DNER: variants seen among roughly 807,000 people sequenced by gnomAD.
DNER encodes delta/notch like EGF repeat containing.
In DNER, 33 loss-of-function variants were observed where a neutral mutation model predicts 78.2. The observed-to-expected ratio is 0.42, with a 90% CI of 0.32 to 0.56. The LOEUF (loss-of-function observed/expected upper bound fraction) is 0.56, where lower values mean the gene tolerates loss of function less well. Among genes scored for constraint, DNER ranks in the 20% least tolerant of loss-of-function variants. The pLI, the probability that DNER is intolerant of heterozygous loss-of-function variation, is 0.11. For missense variants in DNER, 918 were observed against 975.3 expected (o/e 0.94, Z 0.78); for synonymous variants, 417 against 384.8 (o/e 1.08, Z -0.98).
intron 1 of DNER, among the ~76,000 whole-genome samples, chr2:229,596,875 A>T (rs10193150): frequency 1.3e-5 from 2 of 152,048 alleles, no homozygotes; most frequent in Non-Finnish European, 2.9e-5. Context: ...TAAATTTCTA[A>T]GGGGATTCAA....
chr2:229,629,658 G>A (rs1231476963), intron 1 of DNER, among the ~76,000 whole-genome samples: 3 of 152,128 alleles, frequency 2.0e-5, no homozygotes, highest in Non-Finnish European at 4.4e-5. Flanking sequence ...TTGGAAAATG[G>A]CAAACAAAAG....
intron 4 of DNER, among the ~76,000 whole-genome samples, chr2:229,554,066 A>T (rs34462481): frequency 1.9e-3 from 296 of 152,316 alleles, no homozygotes; most frequent in Non-Finnish European, 1.9e-3. Context: ...TTCAAAACTA[A>T]GATGCCTTTC....
chr2:229,607,795 G>A (rs1697967025), intron 1 of DNER, among the ~76,000 whole-genome samples: 1 of 152,008 alleles, frequency 6.6e-6, no homozygotes, highest in African/African-American at 2.4e-5. Flanking sequence ...GGCCGAGGTG[G>A]TCGAATCACT....
At chr2:229,691,513 G>A (rs1247603924) in intron 1 of DNER, among the ~76,000 whole-genome samples, 2 of 151,550 alleles carry the variant, frequency 1.3e-5, no homozygotes, top group East Asian at 2.0e-4. Context: ...CATATTTAGG[G>A]TTGGAAACTC....
At chr2:229,407,013 C>T (rs536999373) in intron 10 of DNER, among the ~76,000 whole-genome samples, 26 of 152,242 alleles carry the variant, frequency 1.7e-4, no homozygotes, top group African/African-American at 6.3e-4. Flanking sequence ...CTTTGTAAGT[C>T]TAGACGCCAA....
rs370082704 is a variant in DNER, at chr2:229,388,400, G to A, written c.1724-4C>T. On this transcript the variant is annotated splice_region_variant and splice_polypyrimidine_tract_variant and intron_variant, in intron 10 of 12. Coordinates refer to ENST00000341772, the MANE Select transcript of DNER (RefSeq NM_139072.4). ...ATGTCAATGTCGCACTCTTCACCTA[G>A]GGAGATAAGAAAAAGCAGTGGTGAA... is the stretch of plus-strand genomic sequence containing the variant. 3 of 1,602,014 alleles carry A rather than the reference G, an allele frequency of 1.9e-6. No homozygotes were observed. In the African/African-American group the frequency reaches 4.1e-5, roughly 22 times the overall value.
intron 4 of DNER, among the ~76,000 whole-genome samples, chr2:229,560,211 T>A (rs1464848979): frequency 6.6e-6 from 1 of 152,260 alleles, no homozygotes; most frequent in African/African-American, 2.4e-5. Flanking sequence ...AAATGGGATT[T>A]GCTTTTCTCA....
At chr2:229,629,760 G>T (rs561655497) in intron 1 of DNER, among the ~76,000 whole-genome samples, 2 of 152,336 alleles carry the variant, frequency 1.3e-5, no homozygotes, top group South Asian at 2.1e-4. Context: ...CAGAAATGCA[G>T]TGAGGTGGCA....
At chr2:229,492,268 TCA>T (rs1184098208) in intron 6 of DNER, among the ~76,000 whole-genome samples, 1 of 152,174 alleles carries the variant, frequency 6.6e-6, no homozygotes, top group Non-Finnish European at 1.5e-5. Context: ...TCACACAAGG[TCA>T]CACAACCAGT....
chr2:229,550,503 G>A (rs1016393081), intron 4 of DNER, among the ~76,000 whole-genome samples: 2 of 152,154 alleles, frequency 1.3e-5, no homozygotes, highest in South Asian at 2.1e-4. Flanking sequence ...TTGGCCGGGC[G>A]CAGTGGCTCA....
intron 8 of DNER, among the ~76,000 whole-genome samples, chr2:229,441,707 A>G (rs1370421081): frequency 6.6e-6 from 1 of 152,150 alleles, no homozygotes; most frequent in Non-Finnish European, 1.5e-5. Context: ...TTGTTTTTGT[A>G]TTGGACAAAA....
chr2:229,630,479 A>AAATAATAATAATAATAATAAT (rs200043673), intron 1 of DNER, among the ~76,000 whole-genome samples: 1 of 139,068 alleles, frequency 7.2e-6, no homozygotes, highest in Non-Finnish European at 1.5e-5. Flanking sequence ...CTCCATCTCA[A>AAATAATAATAATAATAATAAT]AATAATAATA....
intron 4 of DNER, among the ~76,000 whole-genome samples, chr2:229,562,267 T>A (rs1696974970): frequency 6.6e-6 from 1 of 151,786 alleles, no homozygotes; most frequent in Non-Finnish European, 1.5e-5. Context: ...CTACTTAGAG[T>A]CATAAACACA....
intron 4 of DNER, among the ~76,000 whole-genome samples, chr2:229,583,461 C>T (rs919547187): frequency 2.6e-5 from 4 of 152,102 alleles, no homozygotes; most frequent in Non-Finnish European, 4.4e-5. Context: ...AATAGCTGTA[C>T]GGGTGCTTGA....
chr2:229,467,801 T>A (rs1305298866), intron 7 of DNER, among the ~76,000 whole-genome samples: 1 of 151,134 alleles, frequency 6.6e-6, no homozygotes, highest in Non-Finnish European at 1.5e-5. Context: ...AATAAACAGA[T>A]CCTCCCACAA....
chr2:229,548,472 C>G (rs1696665751), intron 4 of DNER, among the ~76,000 whole-genome samples: 1 of 152,150 alleles, frequency 6.6e-6, no homozygotes, highest in Non-Finnish European at 1.5e-5. Context: ...AACCATCATT[C>G]TCAGCAAACT....
At chr2:229,490,985 G>A (rs911309565) in intron 6 of DNER, among the ~76,000 whole-genome samples, 1 of 152,082 alleles carries the variant, frequency 6.6e-6, no homozygotes, top group South Asian at 2.1e-4. Flanking sequence ...TGTTTATTCT[G>A]CCCCAGACTC....
At chr2:229,423,614 C>CAA (rs3085435) in intron 8 of DNER, among the ~76,000 whole-genome samples, 31 of 82,180 alleles carry the variant, frequency 3.8e-4, no homozygotes, top group African/African-American at 8.5e-4. Flanking sequence ...GACTACATCT[C>CAA]AAAAAAAAAA....
At chr2:229,428,091 A>AAAAAG (rs1693921707) in intron 8 of DNER, among the ~76,000 whole-genome samples, 1 of 146,836 alleles carries the variant, frequency 6.8e-6, no homozygotes, top group Non-Finnish European at 1.5e-5. Context: ...AAAAAAAAAA[A>AAAAAG]AGAGAAAAAA....
Sources: gnomAD v4.1 joint callset for allele counts (sites outside exome capture counted in the v4.1 genomes callset) on GRCh38, gnomAD v4.1.1 for gene constraint, MANE v1.5 for transcripts, NCBI Gene and HGNC (gene_info 2026-07-23, HGNC 2026-07-21) for gene names.